Variants in PCDHA5 observed in about 807,000 individuals in gnomAD.
The protein encoded by PCDHA5 is protocadherin alpha-5.
A neutral mutation model predicts 61.6 loss-of-function variants in PCDHA5; 43 were observed. The ratio of observed to expected loss-of-function variants is 0.70; its 90% CI spans 0.55 to 0.90. PCDHA5 has a LOEUF of 0.90. Ranked by LOEUF, PCDHA5 falls within the 40% of genes least tolerant of loss-of-function variation. PCDHA5 has a pLI of 0.00. For synonymous variants in PCDHA5, 627 were observed against 543.9 expected (o/e 1.15, Z -2.13); for missense variants, 1,298 against 1,222.7 (o/e 1.06, Z -0.92).
intron 1 of PCDHA5, among the ~76,000 whole-genome samples, chr5:140,887,101 C>CTT (rs200717289): frequency 4.1e-5 from 6 of 145,304 alleles, no homozygotes; most frequent in African/African-American, 1.0e-4. Context: ...ATCTTTATCT[C>CTT]TTTTTTTTTT....
chr5:140,879,337 G>A (rs251379), intron 1 of PCDHA5, among the ~76,000 whole-genome samples: 101,683 of 152,024 alleles, frequency 0.67, 34,216 homozygotes, highest in Middle Eastern at 0.71. Flanking sequence ...AGTTTGTTCA[G>A]CTGAGAAGAT....
At chr5:140,860,167 A>G (rs924380316) in intron 1 of PCDHA5, 2 of 149,440 alleles carry the variant, frequency 1.3e-5, no homozygotes, top group Non-Finnish European at 3.0e-5. Flanking sequence ...ATATATATGT[A>G]TATATATATG....
intron 1 of PCDHA5, chr5:140,828,044 C>A (rs2150150318): frequency 6.5e-7 from 1 of 1,542,076 alleles, no homozygotes; most frequent in Admixed American, 2.1e-5. Flanking sequence ...AGTATTTTAT[C>A]TTTATGCGGA....
At chr5:140,863,357 G>GCCAAGCACCGCAGC in intron 1 of PCDHA5, 1 of 1,259,532 alleles carries the variant, frequency 7.9e-7, no homozygotes, top group Non-Finnish European at 1.1e-6. Flanking sequence ...ACGACGCTGC[G>GCCAAGCACCGCAGC]GTGCTTGGCG....
At chr5:140,971,732 T>C (rs1554233582) in intron 1 of PCDHA5, among the ~76,000 whole-genome samples, 2 of 151,638 alleles carry the variant, frequency 1.3e-5, no homozygotes, top group African/African-American at 4.8e-5. Flanking sequence ...ATCATACATA[T>C]ACACATACAT....
At chr5:140,850,181 G>A (rs2150471604) in intron 1 of PCDHA5, 2 of 1,593,852 alleles carry the variant, frequency 1.3e-6, no homozygotes, top group East Asian at 2.2e-5. Context: ...ACGACAATGC[G>A]CCGGCGCTGC....
In PCDHA5 at chr5:140,822,569, C is replaced by A; in HGVS notation, c.794C>A (p.Ala265Asp). ...PSGTLVIKLN[A>D]SDADEGINKE... ...GGGACATTAGTTATTAAACTGAACG[C>A]CTCAGATGCAGATGAGGGCATCAAT... The change falls in exon 1 of 4, where the codon GCC (alanine) becomes GAC (aspartate). Residue 265 changes from alanine (A) to aspartate (D), a missense_variant. Ala to Asp is a moderately radical substitution (Grantham distance 126). Coordinates refer to ENST00000529859, the MANE Select transcript of PCDHA5 (RefSeq NM_018908.3). 3 of 1,612,930 alleles carry A rather than the reference C, an allele frequency of 1.9e-6. No homozygotes were observed. The highest frequency in any genetic ancestry group is 2.5e-6 in the Non-Finnish European group (3 of 1,179,160).
At chr5:140,921,781 G>C (rs1393443819) in intron 1 of PCDHA5, among the ~76,000 whole-genome samples, 1 of 151,986 alleles carries the variant, frequency 6.6e-6, no homozygotes, top group Non-Finnish European at 1.5e-5. Context: ...TACTGACTTG[G>C]ATGTTCTAGA....
chr5:140,980,877 C>T (rs1321284538), intron 2 of PCDHA5, among the ~76,000 whole-genome samples: 9 of 152,186 alleles, frequency 5.9e-5, no homozygotes, highest in African/African-American at 1.7e-4. Flanking sequence ...TGGGTGTTCT[C>T]GGTCTTTCCA....
intron 1 of PCDHA5, chr5:140,863,507 T>A: frequency 2.4e-6 from 1 of 420,150 alleles, no homozygotes. Flanking sequence ...CTTTTAGTCC[T>A]AGTGTTCTCC....
At chr5:140,873,007 C>A (rs1363151505) in intron 1 of PCDHA5, among the ~76,000 whole-genome samples, 1 of 152,206 alleles carries the variant, frequency 6.6e-6, no homozygotes, top group Admixed American at 6.5e-5. Context: ...AGTCATTCTT[C>A]ATATTTAGTT....
chr5:140,969,557 A>G, intron 1 of PCDHA5: 2 of 1,212,410 alleles, frequency 1.6e-6, no homozygotes, highest in South Asian at 3.3e-5. Context: ...AGCCTTGTCC[A>G]TAAAATTGTT....
At position 140,856,052 on chromosome 5, in the gene PCDHA5, G is replaced by A. The variant is rs782444703; in HGVS notation, c.2352+31925G>A. 5.7e-6 allele frequency: 9 copies of A among 1,585,062 alleles called. 1 individual carries two copies. Among genetic ancestry groups the A allele is most frequent in the African/African-American group, 5.4e-5 (4 of 73,974 alleles). On this transcript the variant is annotated intron_variant, in intron 1 of 3. Coordinates refer to ENST00000529859, the MANE Select transcript of PCDHA5 (RefSeq NM_018908.3). The stretch of plus-strand genomic sequence containing the variant: ...TGTAAAACAAGAGAAGGATAAGATG[G>A]TTTCCAGATGTAGCTGCCTGGGGGT...
chr5:140,856,604 G>C lies in PCDHA5; in HGVS notation c.2352+32477G>C, dbSNP rs200468399. 1,451 of 1,597,840 alleles carry C rather than the reference G, an allele frequency of 9.1e-4. 118 individuals are homozygous for C. Among genetic ancestry groups the C allele is most frequent in the Non-Finnish European group, 8.3e-4 (967 of 1,167,426 alleles). ...TGTTCTTGATATTATAAACAAAAAA[G>C]ACAAAGACAAATTCCCAGTGCTTGT... On this transcript the variant is annotated intron_variant, in intron 1 of 3. Coordinates refer to ENST00000529859, the MANE Select transcript of PCDHA5 (RefSeq NM_018908.3).
chr5:141,009,941 C>T lies in PCDHA5; in HGVS notation c.*4C>T, dbSNP rs976573218. On this transcript the variant is annotated 3_prime_UTR_variant, in exon 4 of 4. Coordinates refer to ENST00000529859, the MANE Select transcript of PCDHA5 (RefSeq NM_018908.3). ...GACTGACAACAGTGACCAGTGAGGT[C>T]CTCAAATGGAAACAAGCCACTTAGC... is the stretch of plus-strand genomic sequence containing the variant. 6.3e-7 allele frequency: 1 copy of T among 1,597,476 alleles called. No individual in the cohort carries two copies. The highest frequency in any genetic ancestry group is 1.4e-5 in the African/African-American group (1 of 73,558).
intron 1 of PCDHA5, among the ~76,000 whole-genome samples, chr5:140,912,002 A>G (rs1452427916): frequency 6.6e-6 from 1 of 152,236 alleles, no homozygotes; most frequent in Admixed American, 6.5e-5. Context: ...ACAATAGGCC[A>G]TCTGCAAGCT....
chr5:140,834,426 C>A (rs2150217585), intron 1 of PCDHA5: 9 of 1,613,556 alleles, frequency 5.6e-6, no homozygotes, highest in Non-Finnish European at 7.6e-6. Context: ...CCGACATCTA[C>A]TGCTGTTTAT....
At chr5:140,993,464 A>T (rs1309811031) in intron 3 of PCDHA5, among the ~76,000 whole-genome samples, 11 of 28,960 alleles carry the variant, frequency 3.8e-4, no homozygotes, top group South Asian at 2.7e-3. Flanking sequence ...TTTCTTTCTC[A>T]CACACACACA....
chr5:140,855,802 G>A (rs1329894390), intron 1 of PCDHA5: 2 of 477,954 alleles, frequency 4.2e-6, no homozygotes, highest in East Asian at 6.4e-5. Flanking sequence ...ACATATGAAT[G>A]AAAGAAAAGT....
Sources: gnomAD v4.1 joint callset for allele counts (sites outside exome capture counted in the v4.1 genomes callset) on GRCh38, gnomAD v4.1.1 for gene constraint, MANE v1.5 for transcripts, NCBI Gene and HGNC (gene_info 2026-07-23, HGNC 2026-07-21) for gene names.